The following NDUFB6 variants were observed in gnomAD, a reference collection of about 807,000 sequenced individuals.
NDUFB6 encodes the protein NADH dehydrogenase [ubiquinone] 1 beta subcomplex subunit 6.
In NDUFB6, 23 loss-of-function variants were observed where a neutral mutation model predicts 17.5. That is an observed-to-expected ratio of 1.31 (90% confidence interval 0.94 to 1.86). The LOEUF (loss-of-function observed/expected upper bound fraction) is 1.86, where lower values mean the gene tolerates loss of function less well. NDUFB6 is among the 40% of genes most tolerant of loss of function. The pLI is 0.00. For synonymous variants in NDUFB6, 60 were observed against 53.5 expected, an observed-to-expected ratio of 1.12 and a Z score of -0.53; for missense variants, 167 against 153.8, an observed-to-expected ratio of 1.09 and a Z score of -0.46.
intron 2 of NDUFB6, 91 bp downstream of exon 2, chr9:32,570,869 G>T: frequency 2.7e-6 from 2 of 735,454 alleles, no homozygotes; most frequent in South Asian, 2.3e-5. Flanking sequence ...TTTATAAGTG[G>T]CAGATTATTT....
chr9:32,572,737 A>C, intron 1 of NDUFB6, 144 bp downstream of exon 1: 1 of 660,432 alleles, frequency 1.5e-6, no homozygotes, highest in Admixed American at 2.9e-5. Flanking sequence ...CCGAGACTCC[A>C]GGAGGACTCT....
chr9:32,562,943 T>G (rs1821667280), intron 2 of NDUFB6, among the ~76,000 whole-genome samples: 1 of 152,234 alleles, frequency 6.6e-6, no homozygotes, highest in South Asian at 2.1e-4. Context: ...GGCATATCTC[T>G]TTATTCTTCC....
chr9:32,557,920 A>T (rs1217452516), intron 3 of NDUFB6, among the ~76,000 whole-genome samples: 1 of 152,184 alleles, frequency 6.6e-6, no homozygotes, highest in East Asian at 1.9e-4. Flanking sequence ...CACTTTTGTT[A>T]TTTAAATTGT....
At chr9:32,566,423 T>G in intron 2 of NDUFB6, 1 of 863,862 alleles carries the variant, frequency 1.2e-6, no homozygotes, top group Non-Finnish European at 2.0e-6. Context: ...CTGCTCTCCC[T>G]GTTACTGTAG....
chr9:32,559,413 C>A (rs774893227), intron 2 of NDUFB6, among the ~76,000 whole-genome samples: 1 of 152,222 alleles, frequency 6.6e-6, no homozygotes, highest in Non-Finnish European at 1.5e-5. Context: ...AAAGTCTATT[C>A]TCCACACTTC....
Position 32,571,026 on chromosome 9 carries a change from G to A in NDUFB6, c.207C>T (p.Ile69=). 1.2e-6 allele frequency: 2 copies of A among 1,604,666 alleles called. No individual in the cohort carries two copies. The highest frequency in any genetic ancestry group is 1.1e-5 in the South Asian group (1 of 89,966). Residue 69 remains isoleucine (I), a synonymous_variant, in exon 2 of 4, where the codon ATC becomes ATT. Transcript: ENST00000379847. ...GTACAAGTACATGAGTGAAAACAAA[G>A]ATACTCTTTTTGTATACCCCATGGA... ...KMVHGVYKKS[I]FVFTHVLVPV...
At chr9:32,566,255 C>T (rs1385092507) in intron 2 of NDUFB6, 1 of 1,059,070 alleles carries the variant, frequency 9.4e-7, no homozygotes, top group Middle Eastern at 2.0e-4. Flanking sequence ...TGGCAGACAA[C>T]ACTAATTTTA....
chr9:32,571,419 C>A (rs182581052), intron 1 of NDUFB6, among the ~76,000 whole-genome samples: 19 of 152,264 alleles, frequency 1.2e-4, no homozygotes, highest in Admixed American at 3.9e-4. Flanking sequence ...ATCAAACCTA[C>A]AGAATTTTTC....
At chr9:32,556,846 CTT>C (rs10703297) in intron 3 of NDUFB6, among the ~76,000 whole-genome samples, 3 of 82,340 alleles carry the variant, frequency 3.6e-5, no homozygotes, top group East Asian at 2.8e-4. Context: ...AAATCCCCTA[CTT>C]TTTTTTTTTT....
chr9:32,559,002 T>C, intron 2 of NDUFB6, 48 bp from the exon 3 acceptor site: 1 of 1,397,364 alleles, frequency 7.2e-7, no homozygotes, highest in Non-Finnish European at 9.9e-7. Context: ...AAGAGTTTCT[T>C]CTGAAAATAA....
At position 32,553,010 on chromosome 9, in the gene NDUFB6, CAA is replaced by C. The variant is rs749783369; in HGVS notation, c.*864_*865del. ...AATAAAATTCATAATGCAAAGTTCC[CAA>C]GTTTATTTTTGCATTATCCTTTATA... On this transcript the variant is annotated 3_prime_UTR_variant, in exon 4 of 4. Coordinates refer to ENST00000379847, the MANE Select transcript of NDUFB6 (RefSeq NM_002493.5). 1.1e-4 allele frequency: 66 copies of C among 593,456 alleles called. No homozygotes were observed. Among genetic ancestry groups the C allele is most frequent in the East Asian group, 7.8e-4 (28 of 35,712 alleles). 36.8% of individuals were successfully genotyped at this position (593,456 alleles called of 1,614,324 possible). A position where few individuals can be genotyped will look rare whatever the true frequency, so the allele number is the denominator to read the frequency against.
chr9:32,572,977 C>G lies in NDUFB6; in HGVS notation c.84G>C (p.Leu28=). ...LRRRWLKDQE[L]SPREPVLPPQ... ...GGGGCAGCACCGGCTCCCGAGGGCT[C>G]AGCTCCTGGTCCTTCAGCCATCGCC... Residue 28 remains leucine (L), a synonymous_variant, in exon 1 of 4, where the codon CTG becomes CTC. Coordinates refer to ENST00000379847, the MANE Select transcript of NDUFB6 (RefSeq NM_002493.5). 6.2e-7 allele frequency: 1 copy of G among 1,612,258 alleles called. No individual in the cohort carries two copies. Among genetic ancestry groups the G allele is most frequent in the Non-Finnish European group, 8.5e-7 (1 of 1,179,048 alleles).
intron 2 of NDUFB6, chr9:32,568,698 A>G (rs1821869758): frequency 6.3e-6 from 1 of 159,132 alleles, no homozygotes; most frequent in Non-Finnish European, 1.5e-5. Flanking sequence ...ATACGTATGT[A>G]TATATATGTG....
chr9:32,563,463 A>G (rs915116843), intron 2 of NDUFB6, among the ~76,000 whole-genome samples: 7 of 139,906 alleles, frequency 5.0e-5, no homozygotes, highest in African/African-American at 1.9e-4. Context: ...CTCCTGCTTC[A>G]GCCTCCTGAA....
intron 2 of NDUFB6, 103 bp from the exon 3 acceptor site, chr9:32,559,057 A>G: frequency 1.4e-6 from 1 of 698,236 alleles, no homozygotes; most frequent in Non-Finnish European, 2.4e-6. Flanking sequence ...CCAAACTTTC[A>G]CAGAACTCCA....
intron 3 of NDUFB6, among the ~76,000 whole-genome samples, chr9:32,555,805 G>C (rs1821439974): frequency 6.6e-6 from 1 of 152,232 alleles, no homozygotes; most frequent in Non-Finnish European, 1.5e-5. Flanking sequence ...CCCCTGGACA[G>C]AGCCAGGAAC....
At chr9:32,563,919 C>A (rs1255393876) in intron 2 of NDUFB6, among the ~76,000 whole-genome samples, 1 of 152,168 alleles carries the variant, frequency 6.6e-6, no homozygotes, top group African/African-American at 2.4e-5. Flanking sequence ...TCTTTCAGCA[C>A]TTCTTTACTT....
Position 32,571,001 on chromosome 9 carries a change from G to A in NDUFB6, c.232C>T (p.Pro78Ser), listed in dbSNP as rs1821923764. ...ATGTAATAATGAATAATCCAGACAG[G>A]TACAAGTACATGAGTGAAAACAAAG... ...SIFVFTHVLVPVWIIHYYMKY... is the reference protein window; with the variant it reads ...SIFVFTHVLVSVWIIHYYMKY... Residue 78 changes from proline (P) to serine (S), a missense_variant, in exon 2 of 4, where the codon CCT becomes TCT. By Grantham distance (74) the Pro-to-Ser change is moderately conservative. Transcript: ENST00000379847. 1 of 1,604,944 alleles carries A rather than the reference G, an allele frequency of 6.2e-7. No homozygotes were observed. The highest frequency in any genetic ancestry group is 1.7e-5 in the Admixed American group (1 of 58,926).
intron 2 of NDUFB6, chr9:32,566,897 G>A: frequency 3.5e-6 from 2 of 572,468 alleles, no homozygotes; most frequent in Non-Finnish European, 6.4e-6. Context: ...AAAGCACTGA[G>A]GAAGCACCCG....
Sources: gnomAD v4.1 joint callset for allele counts (sites outside exome capture counted in the v4.1 genomes callset) on GRCh38, gnomAD v4.1.1 for gene constraint, MANE v1.5 for transcripts, NCBI Gene and HGNC (gene_info 2026-07-23, HGNC 2026-07-21) for gene names.